SAG: variants seen among roughly 807,000 people sequenced by gnomAD.
The protein encoded by SAG is S-arrestin.
Under a neutral mutation model 55.0 loss-of-function variants are expected in SAG, and 45 were observed. The ratio of observed to expected loss-of-function variants is 0.82; its 90% CI spans 0.64 to 1.05. The LOEUF (loss-of-function observed/expected upper bound fraction) is 1.05, where lower values mean the gene tolerates loss of function less well. Among genes scored for constraint, SAG ranks in the 50% least tolerant of loss-of-function variants. The pLI is 0.00. For missense variants in SAG, 455 were observed against 512.1 expected, an observed-to-expected ratio of 0.89 and a Z score of 1.08; for synonymous variants, 189 against 197.4, an observed-to-expected ratio of 0.96 and a Z score of 0.36.
At chr2:233,313,028 T>C (rs1417771675) in intron 2 of SAG, among the ~76,000 whole-genome samples, 1 of 152,114 alleles carries the variant, frequency 6.6e-6, no homozygotes, top group Non-Finnish European at 1.5e-5. Context: ...GTGTGTGGGA[T>C]AGATGAAAGC....
chr2:233,326,803 C>T (rs1204517668), intron 6 of SAG, among the ~76,000 whole-genome samples: 4 of 152,074 alleles, frequency 2.6e-5, no homozygotes, highest in Non-Finnish European at 5.9e-5. Context: ...CAGTTGGGGA[C>T]ACCTAAGTGT....
intron 13 of SAG, 127 bp from the exon 14 acceptor site, chr2:233,342,144 C>A: frequency 6.5e-6 from 4 of 619,266 alleles, no homozygotes; most frequent in Non-Finnish European, 8.5e-6. Context: ...AAAAAAAGTT[C>A]CCACTGCATT....
At position 233,335,866 on chromosome 2, in the gene SAG, TG is replaced by T. The variant is rs1321482492; in HGVS notation, c.944+772del. ...ACTGCCACCTCCCCATGTGATATGC[TG>T]GGGGTTCCCTCTGTGGCCCCAGTAG... On this transcript the variant is annotated intron_variant, in intron 11 of 15. Transcript: ENST00000409110. Among the ~76,000 whole-genome samples the T allele has an allele frequency of 2.6e-5, 4 of 152,216 alleles. No individual in the cohort carries two copies. The East Asian group carries it at 7.7e-4, about 29-fold the overall frequency.
intron 4 of SAG, among the ~76,000 whole-genome samples, chr2:233,320,363 C>T (rs1374100193): frequency 9.2e-5 from 14 of 152,184 alleles, no homozygotes; most frequent in Non-Finnish European, 1.5e-5. Flanking sequence ...GGACTGGGTC[C>T]TCTGTCTTCA....
rs1701052403 is a variant in SAG, at chr2:233,340,041, C to T, written c.1023-414C>T. Among the ~76,000 whole-genome samples, 1 of 150,980 alleles carries T rather than the reference C, an allele frequency of 6.6e-6. No homozygotes were observed. The highest frequency in any genetic ancestry group is 1.5e-5 in the Non-Finnish European group (1 of 68,000). On this transcript the variant is annotated intron_variant, in intron 12 of 15. Coordinates refer to ENST00000409110, the MANE Select transcript of SAG (RefSeq NM_000541.5). This position sits in a 1 kb window ranked among gnomAD's most constrained non-coding sequence, Gnocchi z 4.2. ...GCATGATCTCAGCTCACTGCAACCT[C>T]CACCTCCCAGGTTCAAGCAATTCCC...
rs1210962277 is a variant in SAG, at chr2:233,331,727, G to T, written c.806+15G>T. The T allele has an allele frequency of 6.2e-7, 1 of 1,601,734 alleles. No homozygotes were observed. The highest frequency in any genetic ancestry group is 1.3e-5 in the African/African-American group (1 of 74,658). Reference sequence around the variant, plus strand: ...GAGGAAGCGCAGTGAGTAGCTGTTGGGGTTTCCGTTTCCTGGGCGTCTCAG... The same window carrying T: ...GAGGAAGCGCAGTGAGTAGCTGTTGTGGTTTCCGTTTCCTGGGCGTCTCAG... On this transcript the variant is annotated intron_variant, in intron 10 of 15. Coordinates refer to ENST00000409110, the MANE Select transcript of SAG (RefSeq NM_000541.5).
chr2:233,339,269 G>C (rs1701027917), intron 12 of SAG, among the ~76,000 whole-genome samples: 1 of 152,136 alleles, frequency 6.6e-6, no homozygotes, highest in African/African-American at 2.4e-5. Context: ...TCATTTTCAT[G>C]TGAAGCCAGT....
chr2:233,333,304 C>T (rs1308842879), intron 10 of SAG: 1 of 152,234 alleles, frequency 6.6e-6, no homozygotes, highest in African/African-American at 2.4e-5. Context: ...CACCTTTCCT[C>T]ATGTGCTCAG....
At chr2:233,337,903 G>A (rs1456657514) in intron 11 of SAG, among the ~76,000 whole-genome samples, 1 of 152,172 alleles carries the variant, frequency 6.6e-6, no homozygotes, top group Non-Finnish European at 1.5e-5. Flanking sequence ...TGAAATGCCC[G>A]GCACAGTGCC....
Position 233,330,471 on chromosome 2 carries a change from CCCTCCCTTCCTTCCTTCCTTCCTT to C in SAG, c.733+898_733+921del, listed in dbSNP as rs1410273662. On this transcript the variant is annotated intron_variant, in intron 9 of 15. Transcript: ENST00000409110. ...ACTAAGGAATTCTAGACTTTTCCCT[CCCTCCCTTCCTTCCTTCCTTCCTT>C]CCTTCCTTCCTTCCTTCCTTCCTTC... Among the ~76,000 whole-genome samples the C allele has an allele frequency of 2.4e-3, 276 of 113,558 alleles. 2 individuals carry two copies. The highest frequency in any genetic ancestry group is 5.2e-3 in the African/African-American group (163 of 31,070). 74.5% of individuals were successfully genotyped at this position (113,558 alleles called of 152,430 possible). A position where few individuals can be genotyped will look rare whatever the true frequency, so the allele number is the denominator to read the frequency against.
intron 5 of SAG, among the ~76,000 whole-genome samples, chr2:233,322,033 ACAC>A (rs1202450412): frequency 8.3e-6 from 1 of 119,970 alleles, no homozygotes; most frequent in East Asian, 2.4e-4. Context: ...ACACACACAC[ACAC>A]ATTAGTCAGG....
At chr2:233,346,533 A>G in intron 15 of SAG, 121 bp downstream of exon 15, 9 of 1,069,272 alleles carry the variant, frequency 8.4e-6, no homozygotes, top group Non-Finnish European at 1.2e-5. Context: ...CTCAGGAGGC[A>G]CATCCGCTAC....
At chr2:233,326,968 C>T (rs965801070) in intron 6 of SAG, among the ~76,000 whole-genome samples, 153 bp from the exon 7 acceptor site, 3 of 152,220 alleles carry the variant, frequency 2.0e-5, no homozygotes, top group Non-Finnish European at 4.4e-5. Context: ...AGTATGCTTC[C>T]AAATCCCTAA....
At chr2:233,324,681 C>T (rs73995904) in intron 6 of SAG, among the ~76,000 whole-genome samples, 4,676 of 152,012 alleles carry the variant, frequency 0.031, 262 homozygotes, top group African/African-American at 0.11. Context: ...TGGAAGGAGG[C>T]GGTGGGGACA....
rs1447290168 is a variant in SAG at position 233,329,239 on chromosome 2, C to T, written c.649-254C>T. On this transcript the variant is annotated intron_variant, in intron 8 of 15. Coordinates refer to ENST00000409110, the MANE Select transcript of SAG (RefSeq NM_000541.5). ...TTTCCTTTCACTTCACTCATCCTGC[C>T]CCCATAACCTCCTGACCCCTGGCCT... 2.7e-5 allele frequency: 12 copies of T among 448,324 alleles called. No homozygotes were observed. The East Asian group carries it at 5.3e-4, about 20-fold the overall frequency. 27.8% of individuals were successfully genotyped at this position (448,324 alleles called of 1,614,324 possible). A position where few individuals can be genotyped will look rare whatever the true frequency, so the allele number is the denominator to read the frequency against.
At chr2:233,341,112 C>A (rs934221108) in intron 13 of SAG, among the ~76,000 whole-genome samples, 10 of 152,184 alleles carry the variant, frequency 6.6e-5, no homozygotes, top group African/African-American at 2.4e-4. Context: ...CCACACCTGG[C>A]AAATTTTACC....
chr2:233,320,628 A>G lies in SAG; in HGVS notation c.182-2A>G, dbSNP rs201086679. 128 of 1,583,786 alleles carry G rather than the reference A, an allele frequency of 8.1e-5. No individual in the cohort carries two copies. The African/African-American group carries it at 1.5e-3, about 19-fold the overall frequency. ...CCGACCCTGCCTTCATCTCCCTTGC[A>G]GTGTATGTCACTCTGACCTGCGCCT... On this transcript the variant is annotated splice_acceptor_variant, in intron 4 of 15. Transcript: ENST00000409110. LOFTEE classifies it high-confidence loss of function.
chr2:233,335,051 T>A lies in SAG; in HGVS notation c.896T>A (p.Leu299Gln), dbSNP rs1468835557. The A allele has an allele frequency of 1.2e-6, 2 of 1,613,884 alleles. No individual in the cohort carries two copies. The highest frequency in any genetic ancestry group is 2.7e-5 in the African/African-American group (2 of 74,936). ...ANNRERRGIA[L>Q]DGKIKHEDTN... ...AATCGAGAAAGGAGAGGCATTGCCC[T>A]GGATGGGAAAATCAAGCACGAGGAC... The change falls in exon 11 of 16, where the codon CTG becomes CAG. Residue 299 changes from leucine to glutamine, a missense_variant. Physicochemically the swap from Leu to Gln is moderately radical, Grantham distance 113. Coordinates refer to ENST00000409110, the MANE Select transcript of SAG (RefSeq NM_000541.5).
chr2:233,334,776 C>G (rs62195070), intron 10 of SAG, 186 bp from the exon 11 acceptor site: 10 of 608,976 alleles, frequency 1.6e-5, no homozygotes, highest in Non-Finnish European at 2.9e-5. Flanking sequence ...TGCTGCCAGC[C>G]CACCCTGAGA....
Sources: allele counts gnomAD v4.1 joint callset (sites outside exome capture counted in the v4.1 genomes callset), GRCh38; gene constraint gnomAD v4.1.1; non-coding constraint Gnocchi (gnomAD v3.1); transcripts MANE v1.5; gene names NCBI Gene and HGNC (gene_info 2026-07-23, HGNC 2026-07-21).